Variants in CNGB3 observed in about 807,000 individuals in gnomAD.
The protein encoded by CNGB3 is cyclic nucleotide gated channel subunit beta 3.
A neutral mutation model predicts 92.8 loss-of-function variants in CNGB3; 86 were observed. The ratio of observed to expected loss-of-function variants is 0.93; its 90% CI spans 0.78 to 1.11. The LOEUF is 1.11. CNGB3 is among the 50% of genes least tolerant of loss of function. The probability of loss-of-function intolerance (pLI) is 0.00; values close to 1 mark genes in which losing one functional copy is unlikely to be tolerated. For synonymous variants in CNGB3, 333 were observed against 332.7 expected (o/e 1.00, Z -0.01); for missense variants, 1,026 against 956.8 (o/e 1.07, Z -0.95).
intron 3 of CNGB3, among the ~76,000 whole-genome samples, chr8:86,719,494 T>C (rs1026436763): frequency 6.6e-6 from 1 of 152,016 alleles, no homozygotes; most frequent in Non-Finnish European, 1.5e-5. Context: ...CAAGGAAAAC[T>C]ACAAAACACT....
chr8:86,653,927 T>G, intron 7 of CNGB3, 85 bp downstream of exon 7: 8 of 952,972 alleles, frequency 8.4e-6, no homozygotes, highest in South Asian at 5.3e-5. Flanking sequence ...ATGTACAAAC[T>G]TTGTTTATAG....
intron 8 of CNGB3, among the ~76,000 whole-genome samples, chr8:86,646,388 C>T (rs2037878093): frequency 6.6e-6 from 1 of 151,046 alleles, no homozygotes; most frequent in Non-Finnish European, 1.5e-5. Context: ...AGCCTGAGGC[C>T]TACCCAGTCA....
In CNGB3 at chr8:86,579,177, T is replaced by G. The variant is rs772854845; in HGVS notation, c.1857A>C (p.Leu619=). 3 of 1,614,166 alleles carry G rather than the reference T, an allele frequency of 1.9e-6. No homozygotes were observed. The highest frequency in any genetic ancestry group is 2.2e-5 in the East Asian group (1 of 44,872). Residue 619 remains leucine, a synonymous_variant, in exon 16 of 18, where the codon CTA becomes CTC. Coordinates refer to ENST00000320005, the MANE Select transcript of CNGB3 (RefSeq NM_019098.5). ...GAATTTCTTGGAGGGTCTTTTTGTC[T>G]AGAGTTAAAAGATTGGCAAACCCGT... ...VAHGFANLLT[L]DKKTLQEILV... is the part of the protein sequence containing the mutation.
chr8:86,691,725 T>A (rs1824320611), intron 3 of CNGB3, among the ~76,000 whole-genome samples: 1 of 152,214 alleles, frequency 6.6e-6, no homozygotes, highest in South Asian at 2.1e-4. Context: ...CAATTTCATT[T>A]AGTTCTGCTC....
chr8:86,714,571 C>T (rs58824862), intron 3 of CNGB3, among the ~76,000 whole-genome samples: 8,871 of 152,198 alleles, frequency 0.058, 338 homozygotes, highest in East Asian at 0.13. Context: ...GACAGAACAG[C>T]ATATGGAGAC....
intron 11 of CNGB3, among the ~76,000 whole-genome samples, chr8:86,631,870 T>C (rs1049208383): frequency 3.3e-5 from 5 of 152,202 alleles, no homozygotes; most frequent in Non-Finnish European, 5.9e-5. Context: ...ATCAGGGACT[T>C]TGCTGACTGA....
At chr8:86,639,876 G>T (rs1823147188) in intron 10 of CNGB3, among the ~76,000 whole-genome samples, 1 of 152,088 alleles carries the variant, frequency 6.6e-6, no homozygotes. Context: ...GTCTAAATGA[G>T]CAGAGCAGAG....
chr8:86,739,975 G>A (rs1180909787), intron 1 of CNGB3, among the ~76,000 whole-genome samples: 1 of 152,100 alleles, frequency 6.6e-6, no homozygotes, highest in Non-Finnish European at 1.5e-5. Context: ...TGTTTCTCTT[G>A]TTCACATTCC....
intron 3 of CNGB3, among the ~76,000 whole-genome samples, chr8:86,697,045 G>C (rs1336376680): frequency 8.8e-6 from 1 of 113,244 alleles, no homozygotes; most frequent in Non-Finnish European, 1.8e-5. Flanking sequence ...CAGGAAGGAA[G>C]GAAAGAAAGA....
intron 3 of CNGB3, among the ~76,000 whole-genome samples, chr8:86,697,976 C>CT: frequency 6.6e-6 from 1 of 152,202 alleles, no homozygotes; most frequent in South Asian, 2.1e-4. Context: ...TGAACTCATC[C>CT]TTTTTTATGG....
intron 9 of CNGB3, 103 bp from the exon 10 acceptor site, chr8:86,643,976 T>C (rs542504016): frequency 7.8e-7 from 1 of 1,284,134 alleles, no homozygotes; most frequent in Admixed American, 1.8e-5. Flanking sequence ...CCCCTTGCTT[T>C]GGATTTGTGA....
At chr8:86,665,341 C>T (rs979597745) in intron 6 of CNGB3, among the ~76,000 whole-genome samples, 3 of 152,172 alleles carry the variant, frequency 2.0e-5, no homozygotes, top group African/African-American at 7.2e-5. Flanking sequence ...AGTTCAGCCA[C>T]TGTGGAAATC....
intron 13 of CNGB3, among the ~76,000 whole-genome samples, chr8:86,621,662 A>G (rs1822729961): frequency 6.6e-6 from 1 of 152,054 alleles, no homozygotes; most frequent in Non-Finnish European, 1.5e-5. Flanking sequence ...CTGAGTCTCC[A>G]AAGTCCATTA....
At chr8:86,589,249 C>T (rs1821968391) in intron 15 of CNGB3, among the ~76,000 whole-genome samples, 1 of 150,624 alleles carries the variant, frequency 6.6e-6, no homozygotes, top group African/African-American at 2.5e-5. Context: ...ATTAGTCTTG[C>T]TAGCGGTCTA....
intron 3 of CNGB3, among the ~76,000 whole-genome samples, chr8:86,702,876 G>A: frequency 6.6e-6 from 1 of 151,884 alleles, no homozygotes; most frequent in East Asian, 1.9e-4. Context: ...TAAAATAGGA[G>A]AGTTTTTATT....
chr8:86,693,432 A>AT (rs370843079), intron 3 of CNGB3, among the ~76,000 whole-genome samples: 1,715 of 138,056 alleles, frequency 0.012, 11 homozygotes, highest in South Asian at 0.038. Flanking sequence ...TATTATTATT[A>AT]TTATTTATTT....
At chr8:86,609,370 T>C (rs956466479) in intron 14 of CNGB3, among the ~76,000 whole-genome samples, 23 of 152,308 alleles carry the variant, frequency 1.5e-4, no homozygotes, top group Middle Eastern at 6.8e-3. Flanking sequence ...ATAAAATTGA[T>C]TTCATATCAC....
intron 16 of CNGB3, 68 bp from the exon 17 acceptor site, chr8:86,578,931 A>C (rs1821710008): frequency 4.4e-6 from 7 of 1,597,992 alleles, no homozygotes; most frequent in Non-Finnish European, 6.0e-6. Flanking sequence ...TACTAAAAAA[A>C]CTGCAATTTA....
At chr8:86,690,429 T>C (rs2131636897) in intron 3 of CNGB3, among the ~76,000 whole-genome samples, 1 of 152,344 alleles carries the variant, frequency 6.6e-6, no homozygotes, top group African/African-American at 2.4e-5. Context: ...TGTAAATTTG[T>C]TTAAGTTCTT....
Sources: allele counts gnomAD v4.1 joint callset (sites outside exome capture counted in the v4.1 genomes callset), GRCh38; gene constraint gnomAD v4.1.1; transcripts MANE v1.5; gene names NCBI Gene and HGNC (gene_info 2026-07-23, HGNC 2026-07-21).